Variants in KCNMA1 observed in about 807,000 individuals in gnomAD.
The protein encoded by KCNMA1 is potassium calcium-activated channel subfamily M alpha 1, also known as Calcium-activated potassium channel subunit alpha-1.
Under a neutral mutation model 140.0 loss-of-function variants are expected in KCNMA1, and 29 were observed. The observed-to-expected ratio is 0.21, with a 90% CI of 0.15 to 0.28. The LOEUF is 0.28. Ranked by LOEUF, KCNMA1 falls within the 10% of genes least tolerant of loss-of-function variation. The pLI is 1.00. For synonymous variants in KCNMA1, 612 were observed against 611.9 expected (o/e 1.00, Z 0.00); for missense variants, 880 against 1,602.2 (o/e 0.55, Z 7.70).
intron 19 of KCNMA1, among the ~76,000 whole-genome samples, chr10:76,979,260 G>A (rs2153225226): frequency 6.6e-6 from 1 of 152,312 alleles, no homozygotes; most frequent in East Asian, 1.9e-4. Context: ...ATCCCAAGGA[G>A]TGGAGAAAAG....
chr10:77,297,843 A>C (rs2075585859), intron 2 of KCNMA1, among the ~76,000 whole-genome samples: 1 of 152,174 alleles, frequency 6.6e-6, no homozygotes, highest in African/African-American at 2.4e-5. Flanking sequence ...TTTCCTGGTT[A>C]ATTTCTCCTG....
chr10:76,955,593 A>G (rs1331612387), intron 20 of KCNMA1, among the ~76,000 whole-genome samples: 3 of 152,228 alleles, frequency 2.0e-5, no homozygotes, highest in African/African-American at 7.2e-5. Context: ...GTAGCATCTC[A>G]GTGTCTGGAT....
intron 19 of KCNMA1, among the ~76,000 whole-genome samples, chr10:76,971,773 G>A (rs978237474): frequency 5.9e-5 from 9 of 152,080 alleles, no homozygotes; most frequent in African/African-American, 2.2e-4. Flanking sequence ...AAATCACACA[G>A]AGACTAAACA....
intron 11 of KCNMA1, among the ~76,000 whole-genome samples, chr10:77,085,028 A>G (rs1000899926): frequency 6.6e-6 from 1 of 152,206 alleles, no homozygotes; most frequent in South Asian, 2.1e-4. Flanking sequence ...TAAGCCTTTC[A>G]GTCTCCTCCC....
intron 2 of KCNMA1, among the ~76,000 whole-genome samples, chr10:77,390,176 G>T (rs774361953): frequency 6.6e-6 from 1 of 152,214 alleles, no homozygotes; most frequent in African/African-American, 2.4e-5. Flanking sequence ...CTCTATTTAT[G>T]GAGATGCTGA....
chr10:77,351,453 C>T lies in KCNMA1; in HGVS notation c.540+52409G>A, dbSNP rs2092872491. 5.3e-5 allele frequency among the ~76,000 whole-genome samples: 8 copies of T among 152,316 alleles called. No homozygotes were observed. In the South Asian group the frequency reaches 1.7e-3, roughly 32 times the overall value. On this transcript the variant is annotated intron_variant, in intron 2 of 27. Coordinates refer to ENST00000286628, the MANE Select transcript of KCNMA1 (RefSeq NM_001161352.2). ...GATTTAGAACACAATGACCCTGATA[C>T]TCACTAGAGCTCTGAGTGTGGCTGG...
chr10:77,534,693 G>A (rs1277486173), intron 1 of KCNMA1, among the ~76,000 whole-genome samples: 1 of 152,148 alleles, frequency 6.6e-6, no homozygotes, highest in Non-Finnish European at 1.5e-5. Context: ...GTGTTCAGTA[G>A]CACAACAGAA....
chr10:77,366,130 TTC>T (rs955933650), intron 2 of KCNMA1, among the ~76,000 whole-genome samples: 2 of 59,258 alleles, frequency 3.4e-5, no homozygotes, highest in Non-Finnish European at 6.9e-5. Context: ...TTTTCTTTTC[TTC>T]TCTCTCTCTC....
chr10:77,074,659 A>G (rs761707550), intron 13 of KCNMA1, among the ~76,000 whole-genome samples: 9 of 152,230 alleles, frequency 5.9e-5, no homozygotes, highest in Non-Finnish European at 1.0e-4. Context: ...GTCTTGTTTT[A>G]TAAATGAACT....
intron 5 of KCNMA1, among the ~76,000 whole-genome samples, chr10:77,145,733 T>C (rs1413060288): frequency 1.3e-5 from 2 of 152,188 alleles, no homozygotes; most frequent in Non-Finnish European, 2.9e-5. Flanking sequence ...TCTAATTCCC[T>C]CAACCCTGTA....
chr10:76,896,124 G>A (rs934979133), intron 25 of KCNMA1, among the ~76,000 whole-genome samples: 8 of 152,178 alleles, frequency 5.3e-5, no homozygotes, highest in Non-Finnish European at 1.0e-4. Context: ...GCCTGGGGGC[G>A]CTGCAGGAGG....
chr10:77,454,961 G>GCCCTCTAGT (rs2097732989), intron 1 of KCNMA1, among the ~76,000 whole-genome samples: 1 of 152,126 alleles, frequency 6.6e-6, no homozygotes, highest in Non-Finnish European at 1.5e-5. Context: ...CTGAAAGAGT[G>GCCCTCTAGT]GGCCAAGCCA....
chr10:77,214,020 T>C (rs965551032), intron 3 of KCNMA1, among the ~76,000 whole-genome samples: 15 of 152,010 alleles, frequency 9.9e-5, no homozygotes, highest in Admixed American at 4.6e-4. Flanking sequence ...TAGTCCACCA[T>C]TGTCATCACC....
chr10:77,289,561 A>G (rs1304595103), intron 2 of KCNMA1, among the ~76,000 whole-genome samples: 1 of 152,230 alleles, frequency 6.6e-6, no homozygotes, highest in Non-Finnish European at 1.5e-5. Context: ...CTTGTACAAG[A>G]GGAGTAAATA....
At position 77,219,243 on chromosome 10, in the gene KCNMA1, C is replaced by T. The variant is rs146023063; in HGVS notation, c.602+31952G>A. Among the ~76,000 whole-genome samples the T allele has an allele frequency of 9.6e-3, 1,458 of 152,250 alleles. 8 individuals are homozygous for T. The highest frequency in any genetic ancestry group is 0.015 in the Non-Finnish European group (994 of 68,016). The stretch of plus-strand genomic sequence containing the variant: ...TTTTGTTGTTGTTGTTATTGTTCTG[C>T]TTTCCATCAGCTTAATACAATCGTG... On this transcript the variant is annotated intron_variant, in intron 3 of 27. Coordinates refer to ENST00000286628, the MANE Select transcript of KCNMA1 (RefSeq NM_001161352.2).
At chr10:76,965,096 T>C (rs2073342421) in intron 20 of KCNMA1, among the ~76,000 whole-genome samples, 1 of 152,122 alleles carries the variant, frequency 6.6e-6, no homozygotes, top group African/African-American at 2.4e-5. Context: ...CCTAGCTATT[T>C]AGAGACAAAG....
chr10:77,102,595 T>C (rs999773378), intron 9 of KCNMA1, among the ~76,000 whole-genome samples: 1 of 152,220 alleles, frequency 6.6e-6, no homozygotes, highest in African/African-American at 2.4e-5. Flanking sequence ...GAGGTAGAAC[T>C]GAAGACCTAT....
chr10:77,012,935 G>A (rs998681936), intron 17 of KCNMA1, among the ~76,000 whole-genome samples: 3 of 152,190 alleles, frequency 2.0e-5, no homozygotes, highest in African/African-American at 4.8e-5. Flanking sequence ...GCCTAGAACA[G>A]CACAAGAGGC....
At chr10:77,531,032 T>C (rs933029543) in intron 1 of KCNMA1, among the ~76,000 whole-genome samples, 4 of 152,216 alleles carry the variant, frequency 2.6e-5, no homozygotes, top group Admixed American at 6.5e-5. Flanking sequence ...TCACTTAGTC[T>C]CCACCAGCAA....
Sources: gnomAD v4.1 joint callset for allele counts (sites outside exome capture counted in the v4.1 genomes callset) on GRCh38, gnomAD v4.1.1 for gene constraint, MANE v1.5 for transcripts, NCBI Gene and HGNC (gene_info 2026-07-23, HGNC 2026-07-21) for gene names.